LSAMP: variants seen among roughly 807,000 people sequenced by gnomAD.
LSAMP encodes limbic system-associated membrane protein.
A neutral mutation model predicts 38.6 loss-of-function variants in LSAMP; 7 were observed. The ratio of observed to expected loss-of-function variants is 0.18; its 90% confidence interval spans 0.10 to 0.34. The LOEUF is 0.34. LSAMP is among the 10% of genes least tolerant of loss of function. LSAMP has a pLI of 1.00. For missense variants in LSAMP, 313 were observed against 420.0 expected, an observed-to-expected ratio of 0.75 and a Z score of 2.23; for synonymous variants, 154 against 166.8, an observed-to-expected ratio of 0.92 and a Z score of 0.59.
intron 1 of LSAMP, among the ~76,000 whole-genome samples, chr3:116,148,288 A>G (rs1559760343): frequency 6.6e-6 from 1 of 151,978 alleles, no homozygotes; most frequent in Non-Finnish European, 1.5e-5. Flanking sequence ...CTTTTAAAAG[A>G]AATAATCATT....
At chr3:116,097,740 T>C (rs1032105161) in intron 1 of LSAMP, among the ~76,000 whole-genome samples, 1 of 152,040 alleles carries the variant, frequency 6.6e-6, no homozygotes, top group Non-Finnish European at 1.5e-5. Flanking sequence ...GAAGTCTTTT[T>C]TTTTTTTTCT....
At chr3:116,380,365 A>C (rs889748147) in intron 1 of LSAMP, among the ~76,000 whole-genome samples, 1 of 152,078 alleles carries the variant, frequency 6.6e-6, no homozygotes, top group Non-Finnish European at 1.5e-5. Flanking sequence ...TGCTCATTAA[A>C]AGGTAGTATC....
intron 1 of LSAMP, among the ~76,000 whole-genome samples, chr3:116,392,879 G>A (rs1460866805): frequency 6.6e-6 from 1 of 152,156 alleles, no homozygotes; most frequent in East Asian, 1.9e-4. Context: ...CCATCCCAGG[G>A]TCTCCTCTCT....
intron 3 of LSAMP, among the ~76,000 whole-genome samples, chr3:115,872,447 A>G (rs933186413): frequency 1.3e-5 from 2 of 152,154 alleles, no homozygotes; most frequent in Non-Finnish European, 2.9e-5. Context: ...GGAAAGGCAG[A>G]AGGGGATCAA....
chr3:116,066,040 C>G (rs751377010), intron 2 of LSAMP, among the ~76,000 whole-genome samples: 3 of 152,172 alleles, frequency 2.0e-5, no homozygotes, highest in Non-Finnish European at 4.4e-5. Context: ...ATACCATAGA[C>G]AGTGACTTAT....
At chr3:116,187,667 T>C (rs1710652428) in intron 1 of LSAMP, among the ~76,000 whole-genome samples, 1 of 152,156 alleles carries the variant, frequency 6.6e-6, no homozygotes, top group Non-Finnish European at 1.5e-5. Flanking sequence ...AAACTTCCCT[T>C]TGACTCACAC....
intron 3 of LSAMP, among the ~76,000 whole-genome samples, chr3:116,001,817 T>C (rs1435173957): frequency 1.3e-5 from 2 of 152,188 alleles, no homozygotes; most frequent in Non-Finnish European, 1.5e-5. Context: ...TGTGATTACA[T>C]TGGGCCTATC....
At chr3:116,378,753 C>T (rs1166067866) in intron 1 of LSAMP, among the ~76,000 whole-genome samples, 1 of 151,948 alleles carries the variant, frequency 6.6e-6, no homozygotes, top group Non-Finnish European at 1.5e-5. Context: ...GTAAGGTTGA[C>T]ATAAGAAACC....
intron 1 of LSAMP, among the ~76,000 whole-genome samples, chr3:116,124,858 G>A (rs1028232916): frequency 5.3e-5 from 8 of 152,148 alleles, no homozygotes; most frequent in Admixed American, 5.2e-4. Context: ...TTTTACACAT[G>A]CAAAGGGTAT....
intron 2 of LSAMP, among the ~76,000 whole-genome samples, chr3:116,057,932 T>TACACACACACACACACACACAC (rs535645480): frequency 2.9e-5 from 4 of 136,656 alleles, no homozygotes; most frequent in East Asian, 2.1e-4. Flanking sequence ...ATATAGTAGC[T>TACACACACACACACACACACAC]ACACACACAC....
intron 3 of LSAMP, among the ~76,000 whole-genome samples, chr3:115,940,606 C>T (rs1349742744): frequency 6.6e-6 from 1 of 152,094 alleles, no homozygotes; most frequent in African/African-American, 2.4e-5. Flanking sequence ...GGCAAGGGTC[C>T]AATTTCATTC....
intron 3 of LSAMP, among the ~76,000 whole-genome samples, chr3:116,010,759 GA>G (rs1940300774): frequency 6.6e-6 from 1 of 152,168 alleles, no homozygotes; most frequent in African/African-American, 2.4e-5. Context: ...ATAAATTACT[GA>G]AACTATTAGT....
intron 3 of LSAMP, among the ~76,000 whole-genome samples, chr3:115,890,565 C>T (rs1472074368): frequency 6.6e-6 from 1 of 151,842 alleles, no homozygotes; most frequent in Non-Finnish European, 1.5e-5. Flanking sequence ...AGAGATTTGC[C>T]TTCTAAGTCC....
intron 2 of LSAMP, among the ~76,000 whole-genome samples, chr3:116,074,658 T>A (rs1278335592): frequency 6.6e-6 from 1 of 152,170 alleles, no homozygotes; most frequent in African/African-American, 2.4e-5. Context: ...ACTCTGGCTA[T>A]CCTCATTTTG....
chr3:115,953,256 G>GTGA (rs1938348394), intron 3 of LSAMP, among the ~76,000 whole-genome samples: 1 of 151,966 alleles, frequency 6.6e-6, no homozygotes, highest in Admixed American at 6.6e-5. Context: ...GATTATTTAG[G>GTGA]TGATTTTCCA....
intron 2 of LSAMP, among the ~76,000 whole-genome samples, chr3:116,075,421 C>T (rs949474348): frequency 6.6e-6 from 1 of 152,024 alleles, no homozygotes; most frequent in Non-Finnish European, 1.5e-5. Flanking sequence ...CAGGCGTGAG[C>T]CACAGCACCT....
chr3:116,057,959 A>ACC (rs796381205), intron 2 of LSAMP, among the ~76,000 whole-genome samples: 52 of 73,292 alleles, frequency 7.1e-4, no homozygotes, highest in African/African-American at 3.5e-3. Context: ...ACACACACCC[A>ACC]CACACACACA....
chr3:116,023,859 G>A (rs759775580), intron 2 of LSAMP, among the ~76,000 whole-genome samples: 1 of 152,036 alleles, frequency 6.6e-6, no homozygotes, highest in Non-Finnish European at 1.5e-5. Flanking sequence ...ATCATCTGGT[G>A]GGATCAGGCA....
chr3:116,318,863 C>A (rs2047669224), intron 1 of LSAMP, among the ~76,000 whole-genome samples: 1 of 152,026 alleles, frequency 6.6e-6, no homozygotes, highest in South Asian at 2.1e-4. Flanking sequence ...AGATTTCTAA[C>A]AGAAACATGA....
Sources: allele counts gnomAD v4.1 joint callset (sites outside exome capture counted in the v4.1 genomes callset), GRCh38; gene constraint gnomAD v4.1.1; transcripts MANE v1.5; gene names NCBI Gene and HGNC (gene_info 2026-07-23, HGNC 2026-07-21).